LRP6: variants seen among roughly 807,000 people sequenced by gnomAD.
The protein encoded by LRP6 is low-density lipoprotein receptor-related protein 6.
Under a neutral mutation model 184.1 loss-of-function variants are expected in LRP6, and 43 were observed. That is an observed-to-expected ratio of 0.23 (90% confidence interval 0.18 to 0.30). The LOEUF (loss-of-function observed/expected upper bound fraction) is 0.30, where lower values mean the gene tolerates loss of function less well. Among genes scored for constraint, LRP6 ranks in the 10% least tolerant of loss-of-function variants. The pLI, the probability that LRP6 is intolerant of heterozygous loss-of-function variation, is 1.00. For missense variants in LRP6, 1,571 were observed against 2,005.3 expected (o/e 0.78, Z 4.14); for synonymous variants, 719 against 684.9 (o/e 1.05, Z -0.78).
chr12:12,237,606 G>A (rs534458755), intron 2 of LRP6, among the ~76,000 whole-genome samples: 2 of 152,206 alleles, frequency 1.3e-5, no homozygotes, highest in Admixed American at 6.5e-5. Context: ...TCCACATAAT[G>A]TGCCTGCTGA....
Position 12,266,869 on chromosome 12 carries a change from A to C in LRP6, c.-134T>G. On this transcript the variant is annotated 5_prime_UTR_variant, in exon 1 of 23. Transcript: ENST00000261349. ...CAGCTTCCCAGCGAGAGAAGAAAGAAAGGGGCACGTCAAGGTTCCGCGCGC... is the reference window on the plus strand; with the variant it reads ...CAGCTTCCCAGCGAGAGAAGAAAGACAGGGGCACGTCAAGGTTCCGCGCGC... 1 of 799,530 alleles carries C rather than the reference A, an allele frequency of 1.3e-6. No homozygotes were observed. The highest frequency in any genetic ancestry group is 1.5e-5 in the South Asian group (1 of 68,244). 49.5% of individuals were successfully genotyped at this position (799,530 alleles called of 1,614,324 possible).
chr12:12,223,476 G>C (rs888592620), intron 2 of LRP6, among the ~76,000 whole-genome samples: 1 of 152,114 alleles, frequency 6.6e-6, no homozygotes, highest in African/African-American at 2.4e-5. Flanking sequence ...TTATGATGAA[G>C]GAATCTGCAC....
chr12:12,225,206 C>T (rs1864588404), intron 2 of LRP6, among the ~76,000 whole-genome samples: 1 of 152,070 alleles, frequency 6.6e-6, no homozygotes, highest in Non-Finnish European at 1.5e-5. Context: ...AAGCGAGACT[C>T]CACCTGGCCG....
At chr12:12,185,879 T>C (rs910046548) in intron 4 of LRP6, among the ~76,000 whole-genome samples, 5 of 151,544 alleles carry the variant, frequency 3.3e-5, no homozygotes, top group Non-Finnish European at 7.4e-5. Context: ...AATTTCTTTC[T>C]TGTTGCCCAG....
In LRP6 at chr12:12,135,305, A is replaced by C; in HGVS notation, c.3608-5T>G. 6.2e-7 allele frequency: 1 copy of C among 1,613,094 alleles called. No individual in the cohort carries two copies. Among genetic ancestry groups the C allele is most frequent in the Non-Finnish European group, 8.5e-7 (1 of 1,179,442 alleles). On this transcript the variant is annotated splice_region_variant and splice_polypyrimidine_tract_variant and intron_variant, in intron 16 of 22. Coordinates refer to ENST00000261349, the MANE Select transcript of LRP6 (RefSeq NM_002336.3). ...CCTGAGCACAAGGGTGCTGTCCTGC[A>C]AAGAGAAGAGGTGAGGATGGGGAGA...
chr12:12,257,182 G>A (rs867178402), intron 1 of LRP6, among the ~76,000 whole-genome samples: 4 of 152,136 alleles, frequency 2.6e-5, no homozygotes, highest in Admixed American at 6.6e-5. Context: ...TAGTGGTGAT[G>A]TTTTACAACC....
intron 2 of LRP6, among the ~76,000 whole-genome samples, chr12:12,205,489 C>T (rs1480610460): frequency 1.3e-5 from 2 of 152,146 alleles, no homozygotes; most frequent in Non-Finnish European, 2.9e-5. Context: ...TTAATGCATA[C>T]TGATGTCTCC....
At chr12:12,161,752 A>C (rs924930688) in intron 10 of LRP6, among the ~76,000 whole-genome samples, 3 of 152,332 alleles carry the variant, frequency 2.0e-5, no homozygotes, top group African/African-American at 7.2e-5. Context: ...TGATCAAACC[A>C]AACTATCCAT....
intron 7 of LRP6, 146 bp downstream of exon 7, chr12:12,179,664 G>A (rs1863293510): frequency 1.4e-6 from 1 of 737,482 alleles, no homozygotes; most frequent in African/African-American, 1.8e-5. Context: ...CTAGAATCAT[G>A]AAGGTTGAGT....
chr12:12,155,294 C>A (rs1471060468), intron 12 of LRP6: 2 of 752,854 alleles, frequency 2.7e-6, no homozygotes, highest in African/African-American at 1.7e-5. Context: ...GGAGAGGCAC[C>A]CGATACGTGT....
intron 7 of LRP6, among the ~76,000 whole-genome samples, chr12:12,176,935 C>T (rs779916347): frequency 6.6e-6 from 1 of 151,012 alleles, no homozygotes; most frequent in Non-Finnish European, 1.5e-5. Context: ...GCAACGTCTG[C>T]CTGCCGGGTT....
chr12:12,149,152 C>T lies in LRP6; in HGVS notation c.2996G>A (p.Gly999Asp), dbSNP rs1478366498. ...IRKAQEDGSQ[G>D]FTVVVSSVPS... ...AACTGAGCTCACAACCACAGTAAAG[C>T]CCTAGGGAAAAAAAGAAATACAGAG... Residue 999 changes from glycine to aspartate, a missense_variant and splice_region_variant, in exon 14 of 23, where the codon GGC becomes GAC. Physicochemically the swap from Gly to Asp is moderately conservative, Grantham distance 94 (BLOSUM62 -1). Coordinates refer to ENST00000261349, the MANE Select transcript of LRP6 (RefSeq NM_002336.3). 6.2e-7 allele frequency: 1 copy of T among 1,613,216 alleles called. No individual in the cohort carries two copies. The highest frequency in any genetic ancestry group is 2.2e-5 in the East Asian group (1 of 44,878).
intron 3 of LRP6, among the ~76,000 whole-genome samples, chr12:12,200,400 T>A (rs1863884320): frequency 6.6e-6 from 1 of 152,102 alleles, no homozygotes; most frequent in Non-Finnish European, 1.5e-5. Context: ...CATGAATGTG[T>A]CCTCATTTTC....
chr12:12,142,031 T>G (rs903493611), intron 15 of LRP6, among the ~76,000 whole-genome samples: 4 of 152,164 alleles, frequency 2.6e-5, no homozygotes, highest in Non-Finnish European at 4.4e-5. Context: ...AGGAAGTCAA[T>G]GTTTAACGTC....
At chr12:12,148,912 C>T in intron 14 of LRP6, 30 bp downstream of exon 14, 2 of 1,529,298 alleles carry the variant, frequency 1.3e-6, no homozygotes, top group Non-Finnish European at 1.8e-6. Flanking sequence ...TCAGAAGCCA[C>T]AGTATCTGAA....
At position 12,180,297 on chromosome 12, in the gene LRP6, CT is replaced by C. The variant is rs1368502491; in HGVS notation, c.1374-317del. On this transcript the variant is annotated intron_variant, in intron 6 of 22. Coordinates refer to ENST00000261349, the MANE Select transcript of LRP6 (RefSeq NM_002336.3). Reference sequence around the variant, plus strand: ...GTGCCCTTTTCCATGAACTTTCTCTCTCTTTTCCTTGATGGCTTGTCATCTC... The same window carrying C: ...GTGCCCTTTTCCATGAACTTTCTCTCCTTTTCCTTGATGGCTTGTCATCTC... 3.0e-5 allele frequency among the ~76,000 whole-genome samples: 4 copies of C among 135,068 alleles called. No homozygotes were observed. The South Asian group carries it at 9.3e-4, about 31-fold the overall frequency. The allele number at this position is 135,068 out of a possible 152,430, so 88.6% of individuals were successfully genotyped here.
chr12:12,200,230 C>G (rs1449807464), intron 3 of LRP6, among the ~76,000 whole-genome samples: 2 of 152,148 alleles, frequency 1.3e-5, no homozygotes, highest in Admixed American at 6.5e-5. Context: ...TGTGTTTCCA[C>G]GAGATTTTTT....
chr12:12,160,452 TTATAAA>T (rs1862711817), intron 10 of LRP6, among the ~76,000 whole-genome samples: 1 of 152,180 alleles, frequency 6.6e-6, no homozygotes, highest in African/African-American at 2.4e-5. Context: ...TGAAAGGTAA[TTATAAA>T]TACTAAGCCT....
At position 12,165,904 on chromosome 12, in the gene LRP6, C is replaced by A. The variant is rs79585072; in HGVS notation, c.1546-609G>T. 7.2e-3 allele frequency among the ~76,000 whole-genome samples: 1,094 copies of A among 152,256 alleles called. 12 individuals carry two copies. Among genetic ancestry groups the A allele is most frequent in the Non-Finnish European group, 8.9e-3 (603 of 68,022 alleles). On this transcript the variant is annotated intron_variant, in intron 7 of 22. Transcript: ENST00000261349. ...AAGTATCGGGATTATATGACACCCT[C>A]TCTGCATCTAAGTTTCAAGAAACTA...
Sources: gnomAD v4.1 joint callset for allele counts (sites outside exome capture counted in the v4.1 genomes callset) on GRCh38, gnomAD v4.1.1 for gene constraint, MANE v1.5 for transcripts, NCBI Gene and HGNC (gene_info 2026-07-23, HGNC 2026-07-21) for gene names.